Variants in GLRA3 observed in about 807,000 individuals in gnomAD.
GLRA3 encodes the protein glycine receptor alpha 3.
GLRA3 carries 44 observed loss-of-function variants against 60.4 expected under a neutral mutation model. The observed-to-expected ratio is 0.73, with a 90% confidence interval of 0.57 to 0.94. The LOEUF is 0.94. GLRA3 is among the 40% of genes least tolerant of loss of function. GLRA3 has a pLI of 0.00. For missense variants in GLRA3, 508 were observed against 564.6 expected, an observed-to-expected ratio of 0.90 and a Z score of 1.02; for synonymous variants, 223 against 192.9, an observed-to-expected ratio of 1.16 and a Z score of -1.29.
chr4:174,740,489 C>T (rs1482982403), intron 3 of GLRA3, among the ~76,000 whole-genome samples: 1 of 152,078 alleles, frequency 6.6e-6, no homozygotes, highest in African/African-American at 2.4e-5. Context: ...CAGCTGAAAC[C>T]AGAGATTTTA....
chr4:174,753,237 A>G (rs545432935), intron 3 of GLRA3, among the ~76,000 whole-genome samples: 9 of 152,134 alleles, frequency 5.9e-5, no homozygotes, highest in Non-Finnish European at 8.8e-5. Context: ...TGAAGCATTT[A>G]GTTGGCTTGT....
intron 1 of GLRA3, among the ~76,000 whole-genome samples, chr4:174,804,668 G>C (rs1202924796): frequency 6.6e-6 from 1 of 152,172 alleles, no homozygotes; most frequent in African/African-American, 2.4e-5. Flanking sequence ...GGATACACCA[G>C]AATGAGGTTA....
At chr4:174,719,740 A>G (rs1440536716) in intron 4 of GLRA3, among the ~76,000 whole-genome samples, 1 of 152,180 alleles carries the variant, frequency 6.6e-6, no homozygotes, top group Non-Finnish European at 1.5e-5. Flanking sequence ...ACCCATTACC[A>G]AAGCAATCTC....
At chr4:174,705,780 G>A in intron 5 of GLRA3, among the ~76,000 whole-genome samples, 1 of 119,642 alleles carries the variant, frequency 8.4e-6, no homozygotes, top group Non-Finnish European at 1.7e-5. Flanking sequence ...AATTTCTAGT[G>A]ATAACAAGTG....
chr4:174,658,792 T>C (rs1313365420), intron 8 of GLRA3, among the ~76,000 whole-genome samples: 1 of 152,182 alleles, frequency 6.6e-6, no homozygotes, highest in African/African-American at 2.4e-5. Flanking sequence ...TTAAAAAGTG[T>C]TGTTCCAGGA....
intron 1 of GLRA3, among the ~76,000 whole-genome samples, chr4:174,794,259 A>G (rs1028411516): frequency 6.6e-6 from 1 of 152,182 alleles, no homozygotes; most frequent in Admixed American, 6.5e-5. Flanking sequence ...GGTATTAAAA[A>G]TTCTCCAGTA....
intron 4 of GLRA3, among the ~76,000 whole-genome samples, chr4:174,724,166 A>C (rs1029908607): frequency 1.3e-5 from 2 of 151,780 alleles, no homozygotes; most frequent in African/African-American, 2.4e-5. Flanking sequence ...ATCTCATGCA[A>C]GTTATTTCAT....
At chr4:174,665,996 A>G (rs1032833000) in intron 7 of GLRA3, among the ~76,000 whole-genome samples, 5 of 152,188 alleles carry the variant, frequency 3.3e-5, no homozygotes, top group Non-Finnish European at 7.4e-5. Flanking sequence ...AGTTGCAGTG[A>G]AATAACTTGC....
At chr4:174,826,090 A>C (rs911690616) in intron 1 of GLRA3, among the ~76,000 whole-genome samples, 1 of 152,144 alleles carries the variant, frequency 6.6e-6, no homozygotes, top group Non-Finnish European at 1.5e-5. Flanking sequence ...GGACCTCAAC[A>C]TCATGATCCC....
intron 6 of GLRA3, among the ~76,000 whole-genome samples, chr4:174,678,886 A>G (rs140624190): frequency 6.6e-5 from 10 of 152,338 alleles, no homozygotes; most frequent in African/African-American, 2.4e-4. Flanking sequence ...TAAATAACTC[A>G]CTAAGTAATC....
At chr4:174,678,513 C>A (rs1402806086) in intron 6 of GLRA3, among the ~76,000 whole-genome samples, 1 of 152,140 alleles carries the variant, frequency 6.6e-6, no homozygotes, top group African/African-American at 2.4e-5. Flanking sequence ...CTAGGTAGGG[C>A]TCAGTGCAAA....
chr4:174,640,438 C>T lies in GLRA3; in HGVS notation c.*3348G>A, dbSNP rs1468034770. 2 of 151,966 alleles carry T rather than the reference C, an allele frequency of 1.3e-5. No homozygotes were observed. Among genetic ancestry groups the T allele is most frequent in the Non-Finnish European group, 2.9e-5 (2 of 67,964 alleles). 9.4% of individuals were successfully genotyped at this position (151,966 alleles called of 1,614,324 possible). ...AGCTGCCAGTATAATATTCAGTCCT[C>T]CCAAGTAACCAGCAGGTTGAAGTAT... is the stretch of plus-strand genomic sequence containing the variant. On this transcript the variant is annotated 3_prime_UTR_variant, in exon 10 of 10. Coordinates refer to ENST00000274093, the MANE Select transcript of GLRA3 (RefSeq NM_006529.4).
intron 1 of GLRA3, among the ~76,000 whole-genome samples, chr4:174,823,309 G>A (rs1280325216): frequency 3.9e-5 from 6 of 152,158 alleles, no homozygotes; most frequent in Admixed American, 1.3e-4. Flanking sequence ...TGGACCGCGA[G>A]GTCAGGAGAT....
In GLRA3 at chr4:174,792,380, C is replaced by T. The variant is rs534239469; in HGVS notation, c.72-3437G>A. 2.6e-5 allele frequency among the ~76,000 whole-genome samples: 4 copies of T among 151,968 alleles called. No homozygotes were observed. The South Asian group carries it at 8.3e-4, about 32-fold the overall frequency. On this transcript the variant is annotated intron_variant, in intron 1 of 9. Coordinates refer to ENST00000274093, the MANE Select transcript of GLRA3 (RefSeq NM_006529.4). The stretch of plus-strand genomic sequence containing the variant: ...TCTTCACGTGTGTCTGTTCTAACTT[C>T]TTCTTATAAGCACACAAGGCATATT...
Position 174,788,941 on chromosome 4 carries a change from A to G in GLRA3, c.74T>C (p.Leu25Ser), listed in dbSNP as rs772597078. The G allele has an allele frequency of 1.5e-5, 24 of 1,577,546 alleles. No homozygotes were observed. The highest frequency in any genetic ancestry group is 2.1e-5 in the Non-Finnish European group (24 of 1,161,630). The change falls in exon 2 of 10, where the codon TTG becomes TCG. Residue 25 changes from leucine to serine, a missense_variant and splice_region_variant. Physicochemically the swap from Leu to Ser is moderately radical, Grantham distance 145. This residue lies in a region of GLRA3 where 329 missense variants were observed against 349.3 expected (regional missense o/e 0.94). Transcript: ENST00000274093. ...ACTGTCTGTTTCCTTTGTGGCAACC[A>G]AACTACAAATAAGAACAAAAATATA... ...YFWEAALLLS[L>S]VATKETDSAR...
At chr4:174,780,669 C>A (rs1464732713) in intron 2 of GLRA3, among the ~76,000 whole-genome samples, 1 of 151,272 alleles carries the variant, frequency 6.6e-6, no homozygotes, top group Non-Finnish European at 1.5e-5. Context: ...CAATCCTAGT[C>A]TCTGATAAAA....
At chr4:174,711,778 A>G (rs930591932) in intron 5 of GLRA3, among the ~76,000 whole-genome samples, 4 of 151,766 alleles carry the variant, frequency 2.6e-5, no homozygotes, top group Non-Finnish European at 5.9e-5. Flanking sequence ...GTGCCTCATA[A>G]TTTTTTTCTG....
chr4:174,763,375 A>G (rs1167989706), intron 3 of GLRA3, among the ~76,000 whole-genome samples: 1 of 152,196 alleles, frequency 6.6e-6, no homozygotes, highest in Non-Finnish European at 1.5e-5. Context: ...CCAAAGCTGG[A>G]AGAACTTGTC....
intron 2 of GLRA3, among the ~76,000 whole-genome samples, chr4:174,782,573 T>C (rs1305921290): frequency 6.6e-6 from 1 of 151,942 alleles, no homozygotes; most frequent in Non-Finnish European, 1.5e-5. Context: ...AAAACCCCAT[T>C]GTCTCAGCCC....
Sources: gnomAD v4.1 joint callset for allele counts (sites outside exome capture counted in the v4.1 genomes callset) on GRCh38, gnomAD v4.1.1 for gene constraint, gnomAD v4.1.1 regional missense constraint, MANE v1.5 for transcripts, NCBI Gene and HGNC (gene_info 2026-07-23, HGNC 2026-07-21) for gene names.